COL6A5: variants seen among roughly 807,000 people sequenced by gnomAD.
COL6A5 encodes the protein collagen type VI alpha 5 chain.
In COL6A5, 48 loss-of-function variants were observed where a neutral mutation model predicts 65.6. That is an observed-to-expected ratio of 0.73 (90% confidence interval 0.58 to 0.93). The LOEUF (loss-of-function observed/expected upper bound fraction) is 0.93, where lower values mean the gene tolerates loss of function less well. Ranked by LOEUF, COL6A5 falls within the 40% of genes least tolerant of loss-of-function variation. The pLI is 0.00. For synonymous variants in COL6A5, 291 were observed against 322.8 expected, an observed-to-expected ratio of 0.90 and a Z score of 1.05; for missense variants, 914 against 928.3, an observed-to-expected ratio of 0.98 and a Z score of 0.20.
intron 20 of COL6A5, among the ~76,000 whole-genome samples, chr3:130,411,124 T>C (rs1341634744): frequency 1.3e-5 from 2 of 152,222 alleles, no homozygotes; most frequent in East Asian, 3.9e-4. Context: ...GGCATAACTT[T>C]ACAGCATCCC....
At chr3:130,407,712 A>G (rs1937039414) in intron 17 of COL6A5, among the ~76,000 whole-genome samples, 1 of 152,052 alleles carries the variant, frequency 6.6e-6, no homozygotes, top group African/African-American at 2.4e-5. Context: ...AGGACCTGAA[A>G]TCTCCAGATA....
chr3:130,410,636 G>T, intron 20 of COL6A5, 112 bp downstream of exon 20: 1 of 880,036 alleles, frequency 1.1e-6, no homozygotes, highest in East Asian at 2.7e-5. Flanking sequence ...ATATTTTTCA[G>T]GGCTTCTCCA....
chr3:130,421,285 G>A, intron 26 of COL6A5, 40 bp from the exon 27 acceptor site: 1 of 1,548,708 alleles, frequency 6.5e-7, no homozygotes, highest in Non-Finnish European at 8.7e-7. Flanking sequence ...CTGCAGAAGT[G>A]ATATGTTGAT....
exon 8 of COL6A5, chr3:130,395,010 A>G (rs1006936727): frequency 1.3e-6 from 2 of 1,551,370 alleles, no homozygotes; most frequent in African/African-American, 2.7e-5. Context: ...TTTGACATTC[A>G]GTCTCAAAGA....
chr3:130,401,110 C>T (rs1311770652), exon 11 of COL6A5: 15 of 1,550,640 alleles, frequency 9.7e-6, no homozygotes, highest in South Asian at 6.0e-5. Context: ...GAAAAAGATT[C>T]GATTACAGGA....
At chr3:130,471,792 C>A (rs1479288307) in intron 7 of COL6A5, 1 of 1,535,062 alleles carries the variant, frequency 6.5e-7, no homozygotes, top group Non-Finnish European at 8.7e-7. Context: ...AGTAGTGGTT[C>A]TGAGACAGCT....
chr3:130,449,713 G>T (rs375587059), intron 4 of COL6A5, among the ~76,000 whole-genome samples: 2 of 152,104 alleles, frequency 1.3e-5, no homozygotes, highest in Non-Finnish European at 2.9e-5. Flanking sequence ...TTTCACCGCC[G>T]GAGCCCATCC....
At chr3:130,392,414 C>G (rs1291825202) in intron 7 of COL6A5, among the ~76,000 whole-genome samples, 1 of 152,108 alleles carries the variant, frequency 6.6e-6, no homozygotes. Flanking sequence ...TGAGTGAGGA[C>G]AGGGTGACAC....
At chr3:130,374,584 G>T (rs772006150) in intron 2 of COL6A5, among the ~76,000 whole-genome samples, 7 of 151,996 alleles carry the variant, frequency 4.6e-5, no homozygotes, top group Non-Finnish European at 7.4e-5. Context: ...CTCCCAAATA[G>T]CTGGGACTAC....
chr3:130,356,136 G>C (rs1358115388), intron 1 of COL6A5, among the ~76,000 whole-genome samples: 1 of 151,978 alleles, frequency 6.6e-6, no homozygotes, highest in African/African-American at 2.4e-5. Context: ...ATACAACAGT[G>C]GGCCAAAGCA....
chr3:130,456,444 CAA>C (rs751056878), intron 5 of COL6A5, among the ~76,000 whole-genome samples: 1 of 151,708 alleles, frequency 6.6e-6, no homozygotes, highest in Non-Finnish European at 1.5e-5. Context: ...TAAAAATAAC[CAA>C]AAGAGTATAA....
At chr3:130,435,869 T>G (rs996690561) in intron 1 of COL6A5, among the ~76,000 whole-genome samples, 1 of 49,576 alleles carries the variant, frequency 2.0e-5, no homozygotes, top group Non-Finnish European at 6.7e-5. Flanking sequence ...TATACAATGA[T>G]GTTGTCTGCA....
chr3:130,395,437 T>C (rs569641611), exon 8 of COL6A5: 1 of 1,545,522 alleles, frequency 6.5e-7, no homozygotes, highest in East Asian at 2.4e-5. Context: ...GAATCATCCG[T>C]GAAATCTGCC....
At chr3:130,440,199 C>A in exon 3 of COL6A5, 1 of 1,612,724 alleles carries the variant, frequency 6.2e-7, no homozygotes. Context: ...ATTCGAGAGG[C>A]TTTCTTACCT....
chr3:130,385,219 T>C lies in COL6A5; in HGVS notation c.1716T>C (p.Thr572=), dbSNP rs10212241. 0.25 allele frequency: 382,813 copies of C among 1,550,812 alleles called. 54,386 individuals are homozygous for C. The highest frequency in any genetic ancestry group is 0.61 in the East Asian group (24,877 of 40,872). The change falls in exon 5 of 42, where the codon ACT becomes ACC. Residue 572 remains threonine (T), a synonymous_variant and NMD_transcript_variant. Coordinates refer to the COL6A5 transcript ENST00000312481. ...AGAGACTAAGGGCTGAGCAAATCAC[T>C]GTTCATGCAGTTGGCATTGGGGCAG...
intron 20 of COL6A5, among the ~76,000 whole-genome samples, chr3:130,411,729 A>G (rs1566139): frequency 0.11 from 17,471 of 152,182 alleles, 1,067 homozygotes; most frequent in Middle Eastern, 0.14. Context: ...TAACTGACAC[A>G]TCAATGAGGT....
chr3:130,375,042 G>C (rs574406838), intron 2 of COL6A5, among the ~76,000 whole-genome samples: 47 of 152,286 alleles, frequency 3.1e-4, no homozygotes, highest in African/African-American at 1.1e-3. Context: ...CCAGTTGTTA[G>C]ACATTTACTA....
intron 7 of COL6A5, 71 bp from the exon 41 acceptor site, chr3:130,483,964 G>A: frequency 7.3e-7 from 1 of 1,373,604 alleles, no homozygotes; most frequent in Non-Finnish European, 1.0e-6. Flanking sequence ...ATATAAAGGA[G>A]TAGGCCCTGG....
exon 4 of COL6A5, chr3:130,379,699 G>T: frequency 6.4e-7 from 1 of 1,551,460 alleles, no homozygotes; most frequent in Non-Finnish European, 8.7e-7. Context: ...TACAGGGGCT[G>T]CCATTGATCA....
Sources: allele counts gnomAD v4.1 joint callset (sites outside exome capture counted in the v4.1 genomes callset), GRCh38; gene constraint gnomAD v4.1.1; transcripts MANE v1.5; gene names NCBI Gene and HGNC (gene_info 2026-07-23, HGNC 2026-07-21).